MYO16: variants seen among roughly 807,000 people sequenced by gnomAD.
MYO16 encodes the protein unconventional myosin-XVI.
In MYO16, 94 loss-of-function variants were observed where a neutral mutation model predicts 205.3. The ratio of observed to expected loss-of-function variants is 0.46; its 90% CI spans 0.39 to 0.54. MYO16 has a LOEUF of 0.54. Ranked by LOEUF, MYO16 falls within the 20% of genes least tolerant of loss-of-function variation. The pLI is 0.00. For missense variants in MYO16, 2,315 were observed against 2,387.5 expected, an observed-to-expected ratio of 0.97 and a Z score of 0.63; for synonymous variants, 988 against 954.0, an observed-to-expected ratio of 1.04 and a Z score of -0.66.
At chr13:108,842,175 CAGA>C (rs540316798) in intron 9 of MYO16, among the ~76,000 whole-genome samples, 134 of 151,744 alleles carry the variant, frequency 8.8e-4, no homozygotes, top group Non-Finnish European at 1.6e-3. Flanking sequence ...GATATGACAC[CAGA>C]AGAAAAAAGC....
At chr13:109,160,064 G>A (rs939222152) in intron 32 of MYO16, among the ~76,000 whole-genome samples, 36 of 152,334 alleles carry the variant, frequency 2.4e-4, no homozygotes, top group African/African-American at 5.8e-4. Context: ...TTGGGGGACC[G>A]TCCTGTGTGT....
intron 23 of MYO16, among the ~76,000 whole-genome samples, chr13:109,040,383 C>CAGAG (rs1482536301): frequency 1.4e-5 from 1 of 70,074 alleles, no homozygotes; most frequent in South Asian, 5.7e-4. Flanking sequence ...CACACACACA[C>CAGAG]ACAGAGAGAG....
At chr13:108,758,585 T>C (rs4772995) in intron 4 of MYO16, among the ~76,000 whole-genome samples, 67,927 of 152,004 alleles carry the variant, frequency 0.45, 15,649 homozygotes, top group East Asian at 0.64. Flanking sequence ...CAGTCATCAA[T>C]TATCTCTCCT....
chr13:109,135,827 C>T (rs1216576955), intron 31 of MYO16, among the ~76,000 whole-genome samples: 1 of 152,210 alleles, frequency 6.6e-6, no homozygotes, highest in Admixed American at 6.5e-5. Context: ...ATAATCTCTT[C>T]TCTATCTGGA....
At chr13:108,507,412 T>A in the MYO16 span, among the ~76,000 whole-genome samples, 2 of 152,068 alleles carry the variant, frequency 1.3e-5, no homozygotes, top group African/African-American at 2.4e-5. Context: ...CTTGCTAGGT[T>A]TTTTTTAAAG....
At chr13:108,728,001 C>T (rs1040218098) in intron 4 of MYO16, among the ~76,000 whole-genome samples, 1 of 151,966 alleles carries the variant, frequency 6.6e-6, no homozygotes, top group Non-Finnish European at 1.5e-5. Flanking sequence ...TGTTTGTTTA[C>T]ATGAAAACGG....
chr13:108,499,438 G>T, the MYO16 span, among the ~76,000 whole-genome samples: 1 of 152,162 alleles, frequency 6.6e-6, no homozygotes, highest in Non-Finnish European at 1.5e-5. Flanking sequence ...ACAACCTTCT[G>T]CTGAGTCATT....
chr13:108,680,007 T>C (rs915815457), intron 2 of MYO16, among the ~76,000 whole-genome samples: 2 of 152,038 alleles, frequency 1.3e-5, no homozygotes, highest in Non-Finnish European at 2.9e-5. Flanking sequence ...TCTGTGTAGA[T>C]CATCCCCATT....
At chr13:108,695,797 A>G (rs1268048929) in intron 2 of MYO16, among the ~76,000 whole-genome samples, 2 of 152,182 alleles carry the variant, frequency 1.3e-5, no homozygotes. Flanking sequence ...TTTACCAGAA[A>G]GTGAACATCA....
the MYO16 span, among the ~76,000 whole-genome samples, chr13:108,502,568 C>CT: frequency 1.4e-5 from 2 of 144,996 alleles, no homozygotes; most frequent in Non-Finnish European, 3.0e-5. Context: ...ATTTTAATGT[C>CT]TTTTTTATTA....
chr13:108,908,548 G>A (rs1244700510), intron 15 of MYO16, among the ~76,000 whole-genome samples: 3 of 152,134 alleles, frequency 2.0e-5, no homozygotes, highest in Admixed American at 6.5e-5. Context: ...AAGTTCAAAT[G>A]TATGAGATAA....
intron 16 of MYO16, among the ~76,000 whole-genome samples, chr13:108,939,854 T>TAA (rs1882649322): frequency 6.6e-6 from 1 of 152,150 alleles, no homozygotes; most frequent in Admixed American, 6.5e-5. Flanking sequence ...GTCATATATA[T>TAA]AATATGTATA....
intron 34 of MYO16, among the ~76,000 whole-genome samples, chr13:109,205,378 C>A (rs1880555751): frequency 6.6e-6 from 1 of 152,214 alleles, no homozygotes; most frequent in Non-Finnish European, 1.5e-5. Context: ...CACTCACTCC[C>A]TTTGCTGCTT....
At chr13:108,960,575 G>C (rs1439363818) in intron 17 of MYO16, among the ~76,000 whole-genome samples, 1 of 152,276 alleles carries the variant, frequency 6.6e-6, no homozygotes, top group South Asian at 2.1e-4. Flanking sequence ...TGTTTCCACT[G>C]TGTATTTATA....
chr13:109,057,011 A>G (rs1009490124), intron 27 of MYO16, among the ~76,000 whole-genome samples: 2 of 152,178 alleles, frequency 1.3e-5, no homozygotes, highest in African/African-American at 4.8e-5. Flanking sequence ...GACTAGTTCA[A>G]TGTGAGCCAC....
intron 4 of MYO16, among the ~76,000 whole-genome samples, chr13:108,739,494 G>C (rs907376445): frequency 1.3e-5 from 2 of 152,334 alleles, no homozygotes; most frequent in East Asian, 1.9e-4. Context: ...TAGAGTTTCT[G>C]CCGAGAGATG....
intron 20 of MYO16, among the ~76,000 whole-genome samples, chr13:108,987,767 T>C (rs1408016462): frequency 6.6e-6 from 1 of 152,220 alleles, no homozygotes; most frequent in African/African-American, 2.4e-5. Flanking sequence ...GAGAACTCTC[T>C]AGGGAATCTC....
chr13:108,946,367 A>T (rs144993851), intron 16 of MYO16, among the ~76,000 whole-genome samples: 1 of 152,324 alleles, frequency 6.6e-6, no homozygotes, highest in Non-Finnish European at 1.5e-5. Context: ...AAACGAGTAG[A>T]GCTGGTGTTC....
At chr13:109,070,904 A>G (rs889573600) in intron 27 of MYO16, among the ~76,000 whole-genome samples, 1 of 152,150 alleles carries the variant, frequency 6.6e-6, no homozygotes, top group Admixed American at 6.5e-5. Flanking sequence ...GTGAGAAGCT[A>G]TTTTTAACTG....
Sources: gnomAD v4.1 joint callset for allele counts (sites outside exome capture counted in the v4.1 genomes callset) on GRCh38, gnomAD v4.1.1 for gene constraint, MANE v1.5 for transcripts, NCBI Gene and HGNC (gene_info 2026-07-23, HGNC 2026-07-21) for gene names.